ZNF84: variants seen among roughly 807,000 people sequenced by gnomAD.
ZNF84 encodes the protein zinc finger protein HPF2.
ZNF84 carries 12 observed loss-of-function variants against 14.8 expected under a neutral mutation model. The ratio of observed to expected loss-of-function variants is 0.81; its 90% CI spans 0.52 to 1.31. The LOEUF (loss-of-function observed/expected upper bound fraction) is 1.31, where lower values mean the gene tolerates loss of function less well. Ranked by LOEUF, ZNF84 falls within the 50% of genes most tolerant of loss-of-function variation. ZNF84 has a pLI of 0.00. For synonymous variants in ZNF84, 347 were observed against 291.1 expected (o/e 1.19, Z -1.96); for missense variants, 859 against 878.6 (o/e 0.98, Z 0.28).
At chr12:133,037,981 C>G (rs1953817311) in intron 1 of ZNF84, 1 of 152,272 alleles carries the variant, frequency 6.6e-6, no homozygotes, top group Non-Finnish European at 1.5e-5. Flanking sequence ...TGTGAGCCAC[C>G]ATTCCTGGCC....
intron 1 of ZNF84, chr12:133,040,724 C>T (rs984793707): frequency 6.6e-6 from 1 of 152,046 alleles, no homozygotes; most frequent in South Asian, 2.1e-4. Flanking sequence ...AACAACATAG[C>T]CATAAGCATA....
intron 2 of ZNF84, among the ~76,000 whole-genome samples, chr12:133,045,165 A>G (rs1953957877): frequency 6.6e-6 from 1 of 151,962 alleles, no homozygotes; most frequent in African/African-American, 2.4e-5. Flanking sequence ...CCAGCCTAAG[A>G]CAATCATTAA....
chr12:133,061,200 C>G lies in ZNF84; in HGVS notation c.*2268C>G, dbSNP rs2137438612. On this transcript the variant is annotated 3_prime_UTR_variant, in exon 5 of 5. Coordinates refer to ENST00000539354, the MANE Select transcript of ZNF84 (RefSeq NM_001289971.2). ...TGAACTTCCTGGCTGGGCACAGTGG[C>G]TCATGCCTGTAATCCCAGCACTTTG... is the stretch of plus-strand genomic sequence containing the variant. 1 of 152,316 alleles carries G rather than the reference C, an allele frequency of 6.6e-6. No individual in the cohort carries two copies. Among genetic ancestry groups the G allele is most frequent in the South Asian group, 2.1e-4 (1 of 4,828 alleles). 9.4% of individuals were successfully genotyped at this position (152,316 alleles called of 1,614,324 possible).
Position 133,041,269 on chromosome 12 carries a change from C to G in ZNF84, c.-190-9C>G. 1.8e-6 allele frequency: 1 copy of G among 567,684 alleles called. No individual in the cohort carries two copies. The highest frequency in any genetic ancestry group is 2.9e-5 in the East Asian group (1 of 34,906). The allele number at this position is 567,684 out of a possible 1,614,324, so 35.2% of individuals were successfully genotyped here. On this transcript the variant is annotated splice_polypyrimidine_tract_variant and intron_variant, in intron 1 of 4. Coordinates refer to ENST00000539354, the MANE Select transcript of ZNF84 (RefSeq NM_001289971.2). ...TGAATATACCAGTTGAAGTACATTT[C>G]TCCCGAAGTCCACAGATCCTGGTCC...
In ZNF84 at chr12:133,041,907, CCTT is replaced by C. The variant is rs146539593; in HGVS notation, c.15+426_15+428del. ...GAATGAGAGATATGCAGTAGTTCCT[CCTT>C]ATCTGCAGTTTTGCTTTTTGCAGTT... is the stretch of plus-strand genomic sequence containing the variant. On this transcript the variant is annotated intron_variant, in intron 2 of 4. Transcript: ENST00000539354. Among the ~76,000 whole-genome samples the C allele has an allele frequency of 4.3e-3, 659 of 152,288 alleles. 3 individuals are homozygous for C. The highest frequency in any genetic ancestry group is 0.015 in the African/African-American group (632 of 41,558).
At position 133,057,330 on chromosome 12, in the gene ZNF84, A is replaced by T; in HGVS notation, c.615A>T (p.Lys205Asn). ...IIYHRNRLGE[K>N]LYECSECRKR... ...ATCATAGAAATCGTTTAGGGGAGAA[A>T]CTCTATGAATGCAGTGAATGTAGGA... Residue 205 changes from lysine to asparagine, a missense_variant, in exon 5 of 5, where the codon AAA (lysine) becomes AAT (asparagine). Coordinates refer to ENST00000539354, the MANE Select transcript of ZNF84 (RefSeq NM_001289971.2). 1 of 1,613,356 alleles carries T rather than the reference A, an allele frequency of 6.2e-7. No homozygotes were observed. The highest frequency in any genetic ancestry group is 8.5e-7 in the Non-Finnish European group (1 of 1,179,850).
intron 2 of ZNF84, 124 bp from the exon 3 acceptor site, chr12:133,047,831 G>C (rs1318310099): frequency 9.7e-7 from 1 of 1,035,428 alleles, no homozygotes; most frequent in Non-Finnish European, 1.4e-6. Flanking sequence ...AATATGCAAA[G>C]GTAGAGACAT....
At chr12:133,048,721 G>T (rs1235952520) in intron 3 of ZNF84, 32 bp from the exon 4 acceptor site, 16 of 1,585,634 alleles carry the variant, frequency 1.0e-5, no homozygotes, top group Admixed American at 1.7e-5. Flanking sequence ...AAGCAGTTGG[G>T]CCCAAGGCCT....
Position 133,059,129 on chromosome 12 carries a change from C to G in ZNF84, c.*197C>G. ...CTATGACTGCAGTGGATCTCAAAAA[C>G]TTTTAAAACCATAGACAAGCCTTAT... On this transcript the variant is annotated 3_prime_UTR_variant, in exon 5 of 5. Coordinates refer to ENST00000539354, the MANE Select transcript of ZNF84 (RefSeq NM_001289971.2). The G allele has an allele frequency of 1.8e-6, 1 of 547,862 alleles. No homozygotes were observed. Among genetic ancestry groups the G allele is most frequent in the East Asian group, 3.0e-5 (1 of 33,678 alleles). The allele number at this position is 547,862 out of a possible 1,614,324, so 33.9% of individuals were successfully genotyped here.
Position 133,057,570 on chromosome 12 carries a change from T to C in ZNF84, c.855T>C (p.His285=). The C allele has an allele frequency of 6.2e-7, 1 of 1,613,952 alleles. No individual in the cohort carries two copies. The highest frequency in any genetic ancestry group is 8.5e-7 in the Non-Finnish European group (1 of 1,179,986). ...AGCTCACATCCCATCAGCGGACACA[T>C]ACAGGAGAGAAACCTTATGAGTGTG... The part of the protein sequence containing the change: ...KSQLTSHQRT[H]TGEKPYECGE... The change falls in exon 5 of 5, where the codon CAT becomes CAC. Residue 285 remains histidine, a synonymous_variant. Coordinates refer to ENST00000539354, the MANE Select transcript of ZNF84 (RefSeq NM_001289971.2).
intron 4 of ZNF84, 62 bp from the exon 5 acceptor site, chr12:133,056,892 G>A: frequency 7.0e-7 from 1 of 1,432,864 alleles, no homozygotes; most frequent in Non-Finnish European, 9.4e-7. Flanking sequence ...TTCTAGTTTT[G>A]TTTTGTTTTG....
chr12:133,043,106 C>G (rs975502986), intron 2 of ZNF84, among the ~76,000 whole-genome samples: 36 of 152,342 alleles, frequency 2.4e-4, no homozygotes, highest in African/African-American at 8.2e-4. Flanking sequence ...CTTCTGTCTT[C>G]TTTCACTTCA....
chr12:133,041,879 T>C (rs1953894708), intron 2 of ZNF84, among the ~76,000 whole-genome samples: 2 of 152,238 alleles, frequency 1.3e-5, no homozygotes, highest in Non-Finnish European at 2.9e-5. Context: ...GATGAAGTCT[T>C]ATGAATGAGA....
chr12:133,047,793 G>A (rs1483600638), intron 2 of ZNF84, 162 bp from the exon 3 acceptor site: 2 of 686,708 alleles, frequency 2.9e-6, no homozygotes, highest in Non-Finnish European at 4.8e-6. Flanking sequence ...AAGGATGGAA[G>A]AATGCACAAT....
rs1258133356 is a variant in ZNF84 at position 133,061,634 on chromosome 12, T to A, written c.*2702T>A. The stretch of plus-strand genomic sequence containing the variant: ...CCATTCTCTTTCCAATCCCAGAGAT[T>A]GATTTATTAGGTCTTGGAAATTCTA... On this transcript the variant is annotated 3_prime_UTR_variant, in exon 5 of 5. Coordinates refer to ENST00000539354, the MANE Select transcript of ZNF84 (RefSeq NM_001289971.2). The A allele has an allele frequency of 3.3e-5, 5 of 152,306 alleles. No individual in the cohort carries two copies. The East Asian group carries it at 7.7e-4, about 23-fold the overall frequency. The allele number at this position is 152,306 out of a possible 1,614,324, so 9.4% of individuals were successfully genotyped here.
At chr12:133,041,229 ATT>A (rs1346408065) in intron 1 of ZNF84, 47 bp from the exon 2 acceptor site, 1 of 492,688 alleles carries the variant, frequency 2.0e-6, no homozygotes, top group Admixed American at 3.7e-5. Flanking sequence ...AGAGAAAGAG[ATT>A]TCATGTGCAA....
chr12:133,062,460 C>T lies in ZNF84; in HGVS notation c.*3528C>T, dbSNP rs1954280761. On this transcript the variant is annotated 3_prime_UTR_variant, in exon 5 of 5. Coordinates refer to ENST00000539354, the MANE Select transcript of ZNF84 (RefSeq NM_001289971.2). ...TTTGAGACCTCTGCAGTCATTTGGT[C>T]ATTCCAGCAATCTATGTCCAGGTTG... The T allele has an allele frequency of 1.3e-5, 2 of 152,244 alleles. No individual in the cohort carries two copies. The highest frequency in any genetic ancestry group is 1.3e-4 in the Admixed American group (2 of 15,282). 9.4% of individuals were successfully genotyped at this position (152,244 alleles called of 1,614,324 possible).
chr12:133,050,838 G>C (rs1246824811), intron 4 of ZNF84, among the ~76,000 whole-genome samples: 2 of 152,164 alleles, frequency 1.3e-5, no homozygotes, highest in African/African-American at 4.8e-5. Context: ...AGCTTTGTTT[G>C]CACACATAAA....
chr12:133,041,716 T>C (rs1233826764), intron 2 of ZNF84, among the ~76,000 whole-genome samples: 1 of 152,214 alleles, frequency 6.6e-6, no homozygotes, highest in Non-Finnish European at 1.5e-5. Context: ...AATTACTGCA[T>C]TTGAGCTGCA....
Sources: allele counts gnomAD v4.1 joint callset (sites outside exome capture counted in the v4.1 genomes callset), GRCh38; gene constraint gnomAD v4.1.1; transcripts MANE v1.5; gene names NCBI Gene and HGNC (gene_info 2026-07-23, HGNC 2026-07-21).